FOCAD: variants seen among roughly 807,000 people sequenced by gnomAD.
FOCAD encodes KIAA1797.
A neutral mutation model predicts 225.6 loss-of-function variants in FOCAD; 198 were observed. The ratio of observed to expected loss-of-function variants is 0.88; its 90% confidence interval spans 0.78 to 0.99. The LOEUF (loss-of-function observed/expected upper bound fraction) is 0.99. Among genes scored for constraint, FOCAD ranks in the 50% least tolerant of loss-of-function variants. The pLI, the probability that FOCAD is intolerant of heterozygous loss-of-function variation, is 0.00. For synonymous variants in FOCAD, 897 were observed against 755.0 expected (o/e 1.19, Z -3.08); for missense variants, 2,713 against 2,123.6 (o/e 1.28, Z -5.46).
intron 1 of FOCAD, among the ~76,000 whole-genome samples, chr9:20,704,780 A>G (rs1824246400): frequency 6.6e-6 from 1 of 152,204 alleles, no homozygotes; most frequent in South Asian, 2.1e-4. Flanking sequence ...CTACGCTTTC[A>G]GTGATTTGGG....
At chr9:20,685,142 C>T (rs890453535) in intron 1 of FOCAD, among the ~76,000 whole-genome samples, 2 of 151,482 alleles carry the variant, frequency 1.3e-5, no homozygotes, top group African/African-American at 4.9e-5. Context: ...TCGGCATTTC[C>T]TGCGTTTTAT....
intron 35 of FOCAD, among the ~76,000 whole-genome samples, chr9:20,963,215 G>A (rs1317995687): frequency 6.6e-6 from 1 of 152,154 alleles, no homozygotes; most frequent in Non-Finnish European, 1.5e-5. Flanking sequence ...TTGGACTGAT[G>A]TGATTTTTCA....
intron 15 of FOCAD, among the ~76,000 whole-genome samples, chr9:20,839,401 G>GGT (rs1286033418): frequency 2.6e-5 from 4 of 151,836 alleles, no homozygotes; most frequent in South Asian, 2.1e-4. Flanking sequence ...TGGGACTACA[G>GGT]GTGTGCAGAC....
At chr9:20,933,313 G>A (rs1021382143) in intron 28 of FOCAD, among the ~76,000 whole-genome samples, 3 of 152,202 alleles carry the variant, frequency 2.0e-5, no homozygotes, top group Non-Finnish European at 4.4e-5. Context: ...AGTATACACT[G>A]CACACAATTT....
At chr9:20,766,121 T>C (rs1830032509) in intron 7 of FOCAD, among the ~76,000 whole-genome samples, 1 of 152,210 alleles carries the variant, frequency 6.6e-6, no homozygotes, top group Non-Finnish European at 1.5e-5. Context: ...ATGGCTGCAT[T>C]ACCCTGTTCT....
At chr9:20,987,376 C>T (rs1165401554) in intron 40 of FOCAD, among the ~76,000 whole-genome samples, 1 of 151,926 alleles carries the variant, frequency 6.6e-6, no homozygotes, top group African/African-American at 2.4e-5. Flanking sequence ...GTTGTGGTGG[C>T]GTAAGCATGT....
At chr9:20,896,466 T>A (rs1156763857) in intron 21 of FOCAD, among the ~76,000 whole-genome samples, 1 of 151,918 alleles carries the variant, frequency 6.6e-6, no homozygotes, top group Admixed American at 6.6e-5. Context: ...TTGGTAGAGT[T>A]CACCAGTGAA....
At chr9:20,755,532 T>A (rs1828970973) in intron 5 of FOCAD, among the ~76,000 whole-genome samples, 1 of 152,150 alleles carries the variant, frequency 6.6e-6, no homozygotes, top group Non-Finnish European at 1.5e-5. Context: ...TCTTAGCGGT[T>A]TTTTTTGGTG....
At chr9:20,923,607 TTCTTC>T (rs1452974639) in intron 24 of FOCAD, 48 bp from the exon 25 acceptor site, 1 of 1,413,082 alleles carries the variant, frequency 7.1e-7, no homozygotes, top group African/African-American at 1.4e-5. Context: ...GCTCTTTCTC[TTCTTC>T]TGGTTAATAC....
At chr9:20,989,626 C>T (rs957971827) in intron 41 of FOCAD, among the ~76,000 whole-genome samples, 1 of 152,116 alleles carries the variant, frequency 6.6e-6, no homozygotes, top group African/African-American at 2.4e-5. Flanking sequence ...CAAGATCACT[C>T]TGGGCAACAT....
At position 20,869,683 on chromosome 9, in the gene FOCAD, G is replaced by A. The variant is rs148379773; in HGVS notation, c.2190+2671G>A. Among the ~76,000 whole-genome samples the A allele has an allele frequency of 2.3e-3, 350 of 152,220 alleles. 9 individuals carry two copies. In the East Asian group the frequency reaches 0.044, roughly 19 times the overall value. ...CATCTTTCTTGTCATTTGTTATTAAGAATTTCTGTGGGATTAGAGGTGATG... is the reference window on the plus strand; with the variant it reads ...CATCTTTCTTGTCATTTGTTATTAAAAATTTCTGTGGGATTAGAGGTGATG... On this transcript the variant is annotated intron_variant, in intron 18 of 43. Coordinates refer to ENST00000338382, the MANE Select transcript of FOCAD (RefSeq NM_001375567.1).
At chr9:20,899,413 G>C (rs1370166234) in intron 21 of FOCAD, among the ~76,000 whole-genome samples, 7 of 151,944 alleles carry the variant, frequency 4.6e-5, no homozygotes, top group African/African-American at 1.7e-4. Flanking sequence ...GTTTCTGTCT[G>C]TGAGTTTCTG....
At position 20,709,198 on chromosome 9, in the gene FOCAD, A is replaced by T. The variant is rs1215651977; in HGVS notation, c.-32-6124A>T. ...ATAATGTGATAATTGCTTATATTAA[A>T]CAACTGTTTTGATTCACTGGGAACT... On this transcript the variant is annotated intron_variant, in intron 1 of 43. Coordinates refer to ENST00000338382, the MANE Select transcript of FOCAD (RefSeq NM_001375567.1). Among the ~76,000 whole-genome samples the T allele has an allele frequency of 2.0e-5, 3 of 152,168 alleles. No individual in the cohort carries two copies. The East Asian group carries it at 5.8e-4, about 29-fold the overall frequency.
At chr9:20,822,449 G>GAT (rs1824430327) in intron 14 of FOCAD, among the ~76,000 whole-genome samples, 1 of 152,008 alleles carries the variant, frequency 6.6e-6, no homozygotes, top group East Asian at 1.9e-4. Flanking sequence ...AGGGGAGGAG[G>GAT]ATGAGTGAAT....
intron 15 of FOCAD, among the ~76,000 whole-genome samples, chr9:20,860,226 A>C (rs1253392464): frequency 1.3e-5 from 2 of 152,106 alleles, no homozygotes; most frequent in Non-Finnish European, 2.9e-5. Flanking sequence ...AATTATGGAC[A>C]TGTGTGTTTA....
chr9:20,786,698 T>C (rs1819954377), intron 10 of FOCAD, among the ~76,000 whole-genome samples: 1 of 152,224 alleles, frequency 6.6e-6, no homozygotes, highest in South Asian at 2.1e-4. Context: ...AAAGAAGTAC[T>C]ATCAGATGTT....
intron 7 of FOCAD, 29 bp downstream of exon 7, chr9:20,765,102 T>A (rs567596434): frequency 1.9e-6 from 3 of 1,574,246 alleles, no homozygotes; most frequent in African/African-American, 2.7e-5. Flanking sequence ...TCCACAAATA[T>A]AGGTCAGCAT....
In FOCAD at chr9:20,897,885, C is replaced by A. The variant is rs535162095; in HGVS notation, c.2626-9265C>A. Among the ~76,000 whole-genome samples the A allele has an allele frequency of 1.6e-4, 24 of 151,890 alleles. No homozygotes were observed. In the South Asian group the frequency reaches 3.9e-3, roughly 25 times the overall value. On this transcript the variant is annotated intron_variant, in intron 21 of 43. Coordinates refer to ENST00000338382, the MANE Select transcript of FOCAD (RefSeq NM_001375567.1). ...GCTTCTGATCTCTATAATTTGCTTA[C>A]TCCCTAAAAAAACTTTAAACATTTC... is the stretch of plus-strand genomic sequence containing the variant.
chr9:20,676,009 A>G (rs1478406353), intron 2 of FOCAD, among the ~76,000 whole-genome samples: 2 of 152,354 alleles, frequency 1.3e-5, no homozygotes, highest in Non-Finnish European at 2.9e-5. Context: ...AAACATTAAT[A>G]AAACCTGAAG....
Sources: gnomAD v4.1 joint callset for allele counts (sites outside exome capture counted in the v4.1 genomes callset) on GRCh38, gnomAD v4.1.1 for gene constraint, MANE v1.5 for transcripts, NCBI Gene and HGNC (gene_info 2026-07-23, HGNC 2026-07-21) for gene names.